Variants in CHRDL2 observed in about 807,000 individuals in gnomAD.
CHRDL2 encodes chordin like 2.
Under a neutral mutation model 54.3 loss-of-function variants are expected in CHRDL2, and 41 were observed. The ratio of observed to expected loss-of-function variants is 0.76; its 90% CI spans 0.59 to 0.98. The LOEUF (loss-of-function observed/expected upper bound fraction) is 0.98. CHRDL2 is among the 50% of genes least tolerant of loss of function. The pLI, the probability that CHRDL2 is intolerant of heterozygous loss-of-function variation, is 0.00. For synonymous variants in CHRDL2, 220 were observed against 224.3 expected (o/e 0.98, Z 0.17); for missense variants, 518 against 562.4 (o/e 0.92, Z 0.80).
Position 74,703,407 on chromosome 11 carries a change from A to C in CHRDL2, c.844T>G (p.Cys282Gly). 1 of 1,613,636 alleles carries C rather than the reference A, an allele frequency of 6.2e-7. No individual in the cohort carries two copies. The highest frequency in any genetic ancestry group is 8.5e-7 in the Non-Finnish European group (1 of 1,179,888). Residue 282 changes from cysteine (C) to glycine (G), a missense_variant, in exon 8 of 11, where the codon TGT becomes GGT. By Grantham distance (159) the Cys-to-Gly change is radical. Transcript: ENST00000376332. ...FGPLPCILCT[C>G]EDGRQDCQRV... ...TGGCAGTCCTGGCGGCCATCCTCAC[A>C]GGTGCATAGGATGCAGGGCAAGGGG... is the stretch of plus-strand genomic sequence containing the variant.
At chr11:74,729,537 G>A (rs4944945) in intron 1 of CHRDL2, among the ~76,000 whole-genome samples, 116,529 of 152,176 alleles carry the variant, frequency 0.77, 44,860 homozygotes, top group African/African-American at 0.84. Context: ...AAAGACTTAT[G>A]TGAGTCTCAT....
At chr11:74,730,528 A>G (rs2034635142) in intron 1 of CHRDL2, among the ~76,000 whole-genome samples, 2 of 151,940 alleles carry the variant, frequency 1.3e-5, no homozygotes, top group South Asian at 4.2e-4. Context: ...AGGAACAGTA[A>G]GTCCTCCCCC....
intron 10 of CHRDL2, among the ~76,000 whole-genome samples, chr11:74,696,996 C>T (rs1052639036): frequency 8.5e-5 from 13 of 152,172 alleles, no homozygotes; most frequent in African/African-American, 2.9e-4. Flanking sequence ...CCCTCAGAAC[C>T]AAATCCAGCC....
chr11:74,723,585 T>C (rs1472967374), intron 1 of CHRDL2, among the ~76,000 whole-genome samples: 1 of 152,204 alleles, frequency 6.6e-6, no homozygotes, highest in East Asian at 1.9e-4. Context: ...ATATCCAAAT[T>C]GCTGGCACTG....
chr11:74,697,384 A>G, intron 9 of CHRDL2, 87 bp from the exon 10 acceptor site: 2 of 883,340 alleles, frequency 2.3e-6, no homozygotes, highest in Non-Finnish European at 3.8e-6. Context: ...CACAGAACGG[A>G]CCCAATCACT....
At chr11:74,712,395 G>C (rs1288010037) in intron 3 of CHRDL2, among the ~76,000 whole-genome samples, 1 of 152,130 alleles carries the variant, frequency 6.6e-6, no homozygotes, top group Non-Finnish European at 1.5e-5. Flanking sequence ...GAGTGTTTTA[G>C]CAACAAGAGG....
chr11:74,720,846 CAGA>C (rs1309296273), intron 1 of CHRDL2, among the ~76,000 whole-genome samples: 4 of 152,286 alleles, frequency 2.6e-5, no homozygotes, highest in South Asian at 2.1e-4. Context: ...TCCTAACCAT[CAGA>C]AGGTTTTCTT....
chr11:74,715,210 G>A (rs2034315407), intron 2 of CHRDL2, among the ~76,000 whole-genome samples: 1 of 152,300 alleles, frequency 6.6e-6, no homozygotes, highest in Non-Finnish European at 1.5e-5. Context: ...CAGGTCTACT[G>A]GGTGCCAGGC....
intron 9 of CHRDL2, chr11:74,697,729 A>C: frequency 2.9e-6 from 1 of 345,352 alleles, no homozygotes; most frequent in Non-Finnish European, 5.8e-6. Flanking sequence ...ACCTGTCCCC[A>C]GTGCAGGGAG....
chr11:74,722,560 A>C (rs896023782), intron 1 of CHRDL2, among the ~76,000 whole-genome samples: 21 of 151,210 alleles, frequency 1.4e-4, no homozygotes, highest in Non-Finnish European at 8.8e-5. Context: ...TTAAAAAAAA[A>C]CAGATCTGGG....
chr11:74,702,755 G>C (rs771548621), intron 9 of CHRDL2, 39 bp downstream of exon 9: 2 of 1,606,428 alleles, frequency 1.2e-6, no homozygotes, highest in Non-Finnish European at 8.5e-7. Flanking sequence ...AGGGGGACTG[G>C]CCAGAGGTAC....
chr11:74,710,421 T>G (rs1485644373), intron 4 of CHRDL2, among the ~76,000 whole-genome samples: 5 of 152,088 alleles, frequency 3.3e-5, no homozygotes, highest in African/African-American at 1.2e-4. Context: ...AGGAGGAGTT[T>G]AAGTAGCTTC....
Position 74,731,235 on chromosome 11 carries a change from AG to A in CHRDL2, c.-348del, listed in dbSNP as rs1172583356. The A allele has an allele frequency of 4.1e-4, 75 of 182,078 alleles. No homozygotes were observed. Among genetic ancestry groups the A allele is most frequent in the Admixed American group, 6.4e-4 (11 of 17,318 alleles). The allele number at this position is 182,078 out of a possible 1,614,324, so 11.3% of individuals were successfully genotyped here. A position where few individuals can be genotyped will look rare whatever the true frequency, so the allele number is the denominator to read the frequency against. ...GAGGACCGGCGTCTGCCGAGCGCGC[AG>A]CGCCGGGCGAGGCGCGCGGGACCAG... On this transcript the variant is annotated 5_prime_UTR_variant, in exon 1 of 11. Transcript: ENST00000376332. The surrounding 1 kb of genome is among the most constrained non-coding windows in gnomAD (Gnocchi z 4.4).
At chr11:74,707,854 T>G (rs79027673) in intron 5 of CHRDL2, among the ~76,000 whole-genome samples, 4 of 152,090 alleles carry the variant, frequency 2.6e-5, no homozygotes, top group African/African-American at 9.7e-5. Flanking sequence ...CACCCATGCA[T>G]GCACAGCAGG....
intron 7 of CHRDL2, 31 bp from the exon 8 acceptor site, chr11:74,703,530 T>G: frequency 6.7e-7 from 1 of 1,484,598 alleles, no homozygotes; most frequent in Non-Finnish European, 9.1e-7. Context: ...GGAAGGAGGA[T>G]CAGGGCCTCA....
chr11:74,705,945 G>A (rs2033996889), intron 6 of CHRDL2, among the ~76,000 whole-genome samples: 1 of 152,176 alleles, frequency 6.6e-6, no homozygotes, highest in Non-Finnish European at 1.5e-5. Flanking sequence ...ACATAGCAGA[G>A]AGGACCCATC....
intron 5 of CHRDL2, among the ~76,000 whole-genome samples, chr11:74,707,118 G>C (rs942079643): frequency 1.3e-4 from 20 of 152,176 alleles, no homozygotes; most frequent in Non-Finnish European, 1.5e-5. Context: ...ACCCGAGTGG[G>C]CCTCTCTCTC....
intron 2 of CHRDL2, among the ~76,000 whole-genome samples, chr11:74,714,416 G>A (rs12289245): frequency 0.024 from 3,589 of 152,234 alleles, 146 homozygotes; most frequent in African/African-American, 0.083. Flanking sequence ...TGAAGTTGGC[G>A]AAGTTTGTTT....
At chr11:74,701,454 C>T in intron 9 of CHRDL2, 1 of 581,074 alleles carries the variant, frequency 1.7e-6, no homozygotes, top group Non-Finnish European at 3.2e-6. Context: ...GTCCTGTCCC[C>T]CTGAGTCTTC....
Sources: allele counts gnomAD v4.1 joint callset (sites outside exome capture counted in the v4.1 genomes callset), GRCh38; gene constraint gnomAD v4.1.1; non-coding constraint Gnocchi (gnomAD v3.1); transcripts MANE v1.5; gene names NCBI Gene and HGNC (gene_info 2026-07-23, HGNC 2026-07-21).